The following AOAH variants were observed in gnomAD, a reference collection of about 807,000 sequenced individuals.
The protein encoded by AOAH is acyloxyacyl hydrolase (neutrophil).
Under a neutral mutation model 92.2 loss-of-function variants are expected in AOAH, and 64 were observed. The ratio of observed to expected loss-of-function variants is 0.69; its 90% CI spans 0.57 to 0.86. The LOEUF is 0.86. AOAH is among the 40% of genes least tolerant of loss of function. The probability of loss-of-function intolerance (pLI) is 0.00; values close to 1 mark genes in which losing one functional copy is unlikely to be tolerated. For synonymous variants in AOAH, 263 were observed against 254.5 expected (o/e 1.03, Z -0.32); for missense variants, 656 against 694.6 (o/e 0.94, Z 0.62).
rs369985174 is a variant in AOAH, at chr7:36,597,379, TTTATC to T, written c.847-2954_847-2950del. 2.0e-4 allele frequency among the ~76,000 whole-genome samples: 30 copies of T among 152,298 alleles called. No homozygotes were observed. The South Asian group carries it at 2.5e-3, about 13-fold the overall frequency. On this transcript the variant is annotated intron_variant, in intron 11 of 20. Transcript: ENST00000617537. ...TACAAAGCAAAACTTTTCTCTGTGTTTTATCTTATTTTTCCCTACATCTTTCTGCT... is the reference window on the plus strand; with the variant it reads ...TACAAAGCAAAACTTTTCTCTGTGTTTTATTTTTCCCTACATCTTTCTGCT...
intron 12 of AOAH, among the ~76,000 whole-genome samples, chr7:36,578,964 G>A (rs759258874): frequency 3.9e-5 from 6 of 152,114 alleles, no homozygotes; most frequent in Non-Finnish European, 7.4e-5. Context: ...ATGGCAGAAG[G>A]CAAAAGGGGA....
intron 2 of AOAH, among the ~76,000 whole-genome samples, chr7:36,679,024 T>C (rs1173937092): frequency 1.3e-5 from 2 of 152,226 alleles, no homozygotes; most frequent in Non-Finnish European, 2.9e-5. Flanking sequence ...TGGAACAGCA[T>C]AGGAAAAAAG....
At chr7:36,550,421 T>G (rs6961851) in intron 13 of AOAH, among the ~76,000 whole-genome samples, 20,150 of 152,144 alleles carry the variant, frequency 0.13, 1,421 homozygotes, top group African/African-American at 0.16. Flanking sequence ...TGTTAAACTT[T>G]TACAGCTCAT....
In AOAH at chr7:36,590,245, ACT is replaced by A. The variant is rs199773562; in HGVS notation, c.938+4092_938+4093del. 8.4e-4 allele frequency among the ~76,000 whole-genome samples: 128 copies of A among 152,228 alleles called. 1 individual carries two copies. The East Asian group carries it at 0.023, about 27-fold the overall frequency. On this transcript the variant is annotated intron_variant, in intron 12 of 20. Coordinates refer to ENST00000617537, the MANE Select transcript of AOAH (RefSeq NM_001637.4). ...TAGCTATTTTTAATCTTTTAAAAAT[ACT>A]TTTTTCTTCCTATTTACAGTTATAC...
In AOAH at chr7:36,517,188, T is replaced by TTCTC. The variant is rs1562853697; in HGVS notation, c.1600-3809_1600-3808insGAGA. On this transcript the variant is annotated intron_variant, in intron 20 of 20. Coordinates refer to ENST00000617537, the MANE Select transcript of AOAH (RefSeq NM_001637.4). ...TTTCTTTCTTTCTTTCTTTCTTTCT[T>TTCTC]TCTTTCTTTCTTTCTTTCTTTCTTT... 2.3e-3 allele frequency among the ~76,000 whole-genome samples: 148 copies of TTCTC among 64,642 alleles called. 1 individual carries two copies. The highest frequency in any genetic ancestry group is 7.4e-3 in the African/African-American group (138 of 18,570). The allele number at this position is 64,642 out of a possible 152,430, so 42.4% of individuals were successfully genotyped here.
chr7:36,597,458 G>A (rs1292631566), intron 11 of AOAH, among the ~76,000 whole-genome samples: 2 of 152,130 alleles, frequency 1.3e-5, no homozygotes, highest in African/African-American at 4.8e-5. Flanking sequence ...TGCCAGACAA[G>A]ACAAGAAAAA....
chr7:36,672,586 C>T (rs1432370534), intron 3 of AOAH, among the ~76,000 whole-genome samples: 5 of 152,062 alleles, frequency 3.3e-5, no homozygotes, highest in African/African-American at 1.2e-4. Context: ...CACATGGACA[C>T]AGGGAGGGGA....
chr7:36,576,457 G>T, intron 13 of AOAH, 117 bp downstream of exon 13: 1 of 630,970 alleles, frequency 1.6e-6, no homozygotes, highest in Non-Finnish European at 2.7e-6. Context: ...TTGGAAGGGA[G>T]ACCGTTCATT....
intron 3 of AOAH, among the ~76,000 whole-genome samples, chr7:36,667,065 A>G (rs890478460): frequency 4.6e-5 from 7 of 152,206 alleles, no homozygotes; most frequent in African/African-American, 1.7e-4. Flanking sequence ...TTAAATGTCA[A>G]TTATATCTGG....
intron 15 of AOAH, among the ~76,000 whole-genome samples, chr7:36,541,255 T>C (rs1187914145): frequency 6.6e-6 from 1 of 152,230 alleles, no homozygotes; most frequent in Non-Finnish European, 1.5e-5. Context: ...ATTGTCTTTA[T>C]ATAGTAGTGC....
At chr7:36,701,551 C>T (rs1008937177) in intron 1 of AOAH, among the ~76,000 whole-genome samples, 9 of 150,544 alleles carry the variant, frequency 6.0e-5, no homozygotes, top group African/African-American at 2.2e-4. Context: ...TGAAATATAC[C>T]TTTTTGTTTT....
At chr7:36,707,440 C>T (rs769560940) in intron 1 of AOAH, among the ~76,000 whole-genome samples, 6 of 151,914 alleles carry the variant, frequency 3.9e-5, no homozygotes, top group Non-Finnish European at 7.4e-5. Flanking sequence ...TTTGAAATAT[C>T]CTGAGAATTA....
intron 15 of AOAH, 26 bp downstream of exon 15, chr7:36,548,586 G>A (rs766915150): frequency 6.3e-7 from 1 of 1,599,450 alleles, no homozygotes; most frequent in South Asian, 1.1e-5. Context: ...AAAGAATCTT[G>A]AAAATACTTT....
chr7:36,700,358 T>C (rs918036015), intron 1 of AOAH, among the ~76,000 whole-genome samples: 19 of 152,016 alleles, frequency 1.2e-4, no homozygotes, highest in African/African-American at 4.6e-4. Context: ...GTCATAATTA[T>C]TCCACACTCT....
At chr7:36,670,037 A>G (rs997306244) in intron 3 of AOAH, among the ~76,000 whole-genome samples, 1 of 151,026 alleles carries the variant, frequency 6.6e-6, no homozygotes, top group African/African-American at 2.4e-5. Flanking sequence ...TCTTAGGGGA[A>G]CCCCTGAGTT....
chr7:36,543,931 T>TC (rs1785590302), intron 15 of AOAH, among the ~76,000 whole-genome samples: 2 of 118,898 alleles, frequency 1.7e-5, no homozygotes, highest in Non-Finnish European at 3.3e-5. Context: ...TCTTTTTCTT[T>TC]TTTCTTTCTT....
chr7:36,532,603 G>C (rs1026929828), intron 16 of AOAH, among the ~76,000 whole-genome samples: 8 of 152,170 alleles, frequency 5.3e-5, no homozygotes, highest in African/African-American at 1.9e-4. Context: ...GGATGGGGCT[G>C]GGGGAAGTGG....
chr7:36,640,508 A>G (rs1225241538), intron 4 of AOAH, among the ~76,000 whole-genome samples: 2 of 152,202 alleles, frequency 1.3e-5, no homozygotes, highest in Non-Finnish European at 2.9e-5. Flanking sequence ...ACAGGGGCTT[A>G]GCCAGCACAG....
At chr7:36,677,558 GTGATCCAGCAATATGATCCAGTTTATATA>G (rs1453575098) in intron 2 of AOAH, among the ~76,000 whole-genome samples, 1 of 152,126 alleles carries the variant, frequency 6.6e-6, no homozygotes, top group Non-Finnish European at 1.5e-5. Flanking sequence ...GAGTTACTAT[GTGATCCAGCAATATGATCCAGTTTATATA>G]TGATCCAGCA....
Sources: gnomAD v4.1 joint callset for allele counts (sites outside exome capture counted in the v4.1 genomes callset) on GRCh38, gnomAD v4.1.1 for gene constraint, MANE v1.5 for transcripts, NCBI Gene and HGNC (gene_info 2026-07-23, HGNC 2026-07-21) for gene names.